Variants in PTPRK observed in about 807,000 individuals in gnomAD.
PTPRK encodes receptor-type tyrosine-protein phosphatase kappa.
In PTPRK, 75 loss-of-function variants were observed where a neutral mutation model predicts 178.0. The observed-to-expected ratio is 0.42, with a 90% CI of 0.35 to 0.51. The LOEUF (loss-of-function observed/expected upper bound fraction) is 0.51, where lower values mean the gene tolerates loss of function less well. Ranked by LOEUF, PTPRK falls within the 20% of genes least tolerant of loss-of-function variation. The pLI is 0.02. For synonymous variants in PTPRK, 637 were observed against 620.6 expected, an observed-to-expected ratio of 1.03 and a Z score of -0.39; for missense variants, 1,441 against 1,797.8, an observed-to-expected ratio of 0.80 and a Z score of 3.59.
chr6:128,452,563 A>C (rs1346423522), intron 1 of PTPRK, among the ~76,000 whole-genome samples: 1 of 152,210 alleles, frequency 6.6e-6, no homozygotes, highest in African/African-American at 2.4e-5. Flanking sequence ...ACCATGCAAG[A>C]CACAGCAAGG....
chr6:128,049,791 A>G (rs1313343498), intron 13 of PTPRK, among the ~76,000 whole-genome samples: 1 of 152,216 alleles, frequency 6.6e-6, no homozygotes, highest in African/African-American at 2.4e-5. Context: ...ATTTACAAAT[A>G]CTTGTGTGCG....
At chr6:128,509,566 A>C (rs1856878151) in intron 1 of PTPRK, among the ~76,000 whole-genome samples, 1 of 152,120 alleles carries the variant, frequency 6.6e-6, no homozygotes, top group African/African-American at 2.4e-5. Context: ...CAAAATTTAC[A>C]TTTTTATGGT....
intron 5 of PTPRK, among the ~76,000 whole-genome samples, chr6:128,226,700 A>T (rs1811356609): frequency 6.7e-6 from 1 of 149,776 alleles, no homozygotes; most frequent in South Asian, 2.1e-4. Flanking sequence ...AATTCCTTGC[A>T]GTAAATCTCT....
intron 5 of PTPRK, among the ~76,000 whole-genome samples, chr6:128,228,206 T>C (rs1811691521): frequency 6.6e-6 from 1 of 150,822 alleles, no homozygotes; most frequent in Non-Finnish European, 1.5e-5. Context: ...TCCTGAATAA[T>C]GAGTGAAAAA....
chr6:128,368,856 G>A (rs1366639574), intron 2 of PTPRK, among the ~76,000 whole-genome samples: 1 of 151,800 alleles, frequency 6.6e-6, no homozygotes, highest in Non-Finnish European at 1.5e-5. Context: ...TTAAAATTCA[G>A]GCACCAGGAA....
chr6:128,228,442 C>T (rs1255047170), intron 5 of PTPRK, among the ~76,000 whole-genome samples: 6 of 147,074 alleles, frequency 4.1e-5, no homozygotes, highest in African/African-American at 1.0e-4. Context: ...GACAGGAGAT[C>T]GAGACCATCC....
intron 7 of PTPRK, among the ~76,000 whole-genome samples, chr6:128,178,656 C>CGTCT (rs375592869): frequency 1.4e-5 from 2 of 145,996 alleles, no homozygotes; most frequent in African/African-American, 5.1e-5. Flanking sequence ...GTAGAGAAGA[C>CGTCT]ATCTATCTAT....
intron 1 of PTPRK, among the ~76,000 whole-genome samples, chr6:128,428,456 A>G (rs1844438614): frequency 6.6e-6 from 1 of 152,252 alleles, no homozygotes; most frequent in African/African-American, 2.4e-5. Context: ...ATCAGTAAAG[A>G]CAACGAGATG....
At chr6:128,334,816 C>T (rs1005101855) in intron 2 of PTPRK, among the ~76,000 whole-genome samples, 5 of 152,154 alleles carry the variant, frequency 3.3e-5, no homozygotes, top group Admixed American at 6.5e-5. Context: ...TAAGGCCAAG[C>T]GCGGTGGCTC....
chr6:128,119,463 A>G (rs929818943), intron 7 of PTPRK, among the ~76,000 whole-genome samples: 1 of 152,112 alleles, frequency 6.6e-6, no homozygotes, highest in African/African-American at 2.4e-5. Context: ...AAACTTCTTT[A>G]GGTGTAATGA....
intron 3 of PTPRK, among the ~76,000 whole-genome samples, chr6:128,287,253 A>G (rs1209009693): frequency 6.6e-6 from 1 of 152,016 alleles, no homozygotes; most frequent in Admixed American, 6.6e-5. Flanking sequence ...CGTAGGGGGC[A>G]CCTCATTTGT....
At chr6:128,233,707 A>T (rs146910688) in intron 5 of PTPRK, among the ~76,000 whole-genome samples, 62 of 152,336 alleles carry the variant, frequency 4.1e-4, no homozygotes, top group African/African-American at 1.4e-3. Flanking sequence ...GAGGAGGCAC[A>T]GTGCCAGCAC....
chr6:128,446,302 T>C (rs1240641360), intron 1 of PTPRK, among the ~76,000 whole-genome samples: 1 of 152,216 alleles, frequency 6.6e-6, no homozygotes, highest in Non-Finnish European at 1.5e-5. Context: ...AGTAATTAAA[T>C]TTAATAGAAG....
intron 3 of PTPRK, among the ~76,000 whole-genome samples, chr6:128,302,322 G>T (rs1193995601): frequency 6.7e-6 from 1 of 149,958 alleles, no homozygotes; most frequent in South Asian, 2.1e-4. Context: ...AACCCAGGAG[G>T]CGGAGCTTGC....
intron 1 of PTPRK, among the ~76,000 whole-genome samples, chr6:128,399,466 A>C (rs1840746920): frequency 6.6e-6 from 1 of 152,248 alleles, no homozygotes; most frequent in South Asian, 2.1e-4. Flanking sequence ...AAATATGCTT[A>C]AAATAGACCT....
intron 3 of PTPRK, among the ~76,000 whole-genome samples, chr6:128,316,951 G>T (rs949590269): frequency 1.3e-5 from 2 of 151,948 alleles, no homozygotes; most frequent in African/African-American, 4.8e-5. Context: ...ACCCATTTGG[G>T]GTACTCTGTT....
At chr6:128,036,477 A>G (rs1162764791) in intron 13 of PTPRK, among the ~76,000 whole-genome samples, 2 of 152,230 alleles carry the variant, frequency 1.3e-5, no homozygotes, top group South Asian at 2.1e-4. Flanking sequence ...ACCTTCATCA[A>G]TGGAAAAAGG....
At chr6:127,975,368 T>A (rs1256303830) in intron 27 of PTPRK, among the ~76,000 whole-genome samples, 1 of 152,192 alleles carries the variant, frequency 6.6e-6, no homozygotes, top group Non-Finnish European at 1.5e-5. Context: ...ATGAATATTA[T>A]GAGATGATTG....
chr6:128,453,133 A>G lies in PTPRK; in HGVS notation c.101-55445T>C, dbSNP rs576633957. ...ATATTGGTCTAATCAAAATACCACT[A>G]CTGTAGACAACTGTATATATTTCCA... is the stretch of plus-strand genomic sequence containing the variant. On this transcript the variant is annotated intron_variant, in intron 1 of 29. Transcript: ENST00000368226. Among the ~76,000 whole-genome samples, 4 of 152,306 alleles carry G rather than the reference A, an allele frequency of 2.6e-5. No homozygotes were observed. In the South Asian group the frequency reaches 8.3e-4, roughly 32 times the overall value.
Sources: gnomAD v4.1 joint callset for allele counts (sites outside exome capture counted in the v4.1 genomes callset) on GRCh38, gnomAD v4.1.1 for gene constraint, MANE v1.5 for transcripts, NCBI Gene and HGNC (gene_info 2026-07-23, HGNC 2026-07-21) for gene names.